The following FRRS1 variants were observed in gnomAD, a reference collection of about 807,000 sequenced individuals.
FRRS1 encodes the protein ferric chelate reductase 1.
Under a neutral mutation model 70.7 loss-of-function variants are expected in FRRS1, and 51 were observed. The ratio of observed to expected loss-of-function variants is 0.72; its 90% CI spans 0.58 to 0.91. FRRS1 has a LOEUF of 0.91. Among genes scored for constraint, FRRS1 ranks in the 40% least tolerant of loss-of-function variants. FRRS1 has a pLI of 0.00. For synonymous variants in FRRS1, 225 were observed against 238.7 expected, an observed-to-expected ratio of 0.94 and a Z score of 0.53; for missense variants, 672 against 726.0, an observed-to-expected ratio of 0.93 and a Z score of 0.86.
intron 1 of FRRS1, among the ~76,000 whole-genome samples, chr1:99,760,351 T>A (rs1657057438): frequency 6.6e-6 from 1 of 152,204 alleles, no homozygotes; most frequent in South Asian, 2.1e-4. Context: ...CTCCTTTTCT[T>A]TCTAGTAATT....
chr1:99,746,602 T>C (rs1043554940), intron 4 of FRRS1, among the ~76,000 whole-genome samples: 2 of 152,144 alleles, frequency 1.3e-5, no homozygotes, highest in African/African-American at 4.8e-5. Context: ...GACAACTTGA[T>C]GGTGAGTGTT....
intron 9 of FRRS1, among the ~76,000 whole-genome samples, chr1:99,725,486 T>G (rs1255701717): frequency 9.9e-5 from 15 of 152,198 alleles, no homozygotes; most frequent in Admixed American, 9.8e-4. Context: ...TGCCTATAAA[T>G]GCAGATTCCA....
At chr1:99,711,793 C>T (rs565614176) in intron 14 of FRRS1, among the ~76,000 whole-genome samples, 54 of 152,304 alleles carry the variant, frequency 3.5e-4, no homozygotes, top group African/African-American at 1.3e-3. Flanking sequence ...TCACAAATGA[C>T]CCTCAATTTG....
At position 99,704,858 on chromosome 1, in the gene FRRS1, G is replaced by A. The variant is rs1259590884; in HGVS notation, c.*4170C>T. Among the ~76,000 whole-genome samples the A allele has an allele frequency of 1.3e-5, 2 of 152,098 alleles. No homozygotes were observed. The highest frequency in any genetic ancestry group is 4.8e-5 in the African/African-American group (2 of 41,420). ...CAGAGGAGAGCCCAGGCAGTCTAGCGGCCCAACTCCAGGGGAAAACCATCT... is the reference window on the plus strand; with the variant it reads ...CAGAGGAGAGCCCAGGCAGTCTAGCAGCCCAACTCCAGGGGAAAACCATCT... On this transcript the variant is annotated 3_prime_UTR_variant, in exon 17 of 17. Transcript: ENST00000646001.
At chr1:99,751,739 T>C (rs1440213766) in intron 1 of FRRS1, among the ~76,000 whole-genome samples, 2 of 151,936 alleles carry the variant, frequency 1.3e-5, no homozygotes, top group African/African-American at 2.4e-5. Flanking sequence ...AAACCTATCT[T>C]GCAAGAAAAG....
Position 99,709,019 on chromosome 1 carries a change from T to C in FRRS1, c.*9A>G. 6.2e-7 allele frequency: 1 copy of C among 1,614,012 alleles called. No individual in the cohort carries two copies. Among genetic ancestry groups the C allele is most frequent in the Non-Finnish European group, 8.5e-7 (1 of 1,179,956 alleles). ...CACTTGGCCTGCAAAAGCCAAGGTC[T>C]TTGCTTGCTCATAGATGGTTGATTG... On this transcript the variant is annotated 3_prime_UTR_variant, in exon 17 of 17. Transcript: ENST00000646001.
At chr1:99,719,684 T>C in intron 9 of FRRS1, 37 bp from the exon 10 acceptor site, 1 of 1,076,092 alleles carries the variant, frequency 9.3e-7, no homozygotes, top group Non-Finnish European at 1.4e-6. Context: ...TGACAAAGAA[T>C]AATTACTTCC....
chr1:99,761,167 C>T (rs1395053374), intron 1 of FRRS1, among the ~76,000 whole-genome samples: 1 of 152,036 alleles, frequency 6.6e-6, no homozygotes, highest in Admixed American at 6.6e-5. Context: ...CACTCTGGCG[C>T]CCAGGATGGA....
intron 9 of FRRS1, among the ~76,000 whole-genome samples, chr1:99,721,504 A>G (rs750125706): frequency 2.2e-4 from 34 of 152,190 alleles, no homozygotes; most frequent in Non-Finnish European, 4.4e-4. Flanking sequence ...CTCAAAATCT[A>G]AACAAAATAG....
At chr1:99,733,577 G>A (rs551895839) in intron 7 of FRRS1, among the ~76,000 whole-genome samples, 10 of 152,274 alleles carry the variant, frequency 6.6e-5, no homozygotes, top group South Asian at 2.1e-4. Context: ...GGCCGAATTG[G>A]CGTCAGTATG....
chr1:99,712,038 C>A lies in FRRS1; in HGVS notation c.1480+67G>T. On this transcript the variant is annotated intron_variant, in intron 14 of 16. Coordinates refer to ENST00000646001, the MANE Select transcript of FRRS1 (RefSeq NM_001361041.2). ...TAATGCATCTAAAAATCATTTAAGC[C>A]AAATTACAACTTGTAATATAAGCAG... The A allele has an allele frequency of 3.6e-6, 4 of 1,119,116 alleles. No homozygotes were observed. The South Asian group carries it at 5.6e-5, about 16-fold the overall frequency. 69.3% of individuals were successfully genotyped at this position (1,119,116 alleles called of 1,614,324 possible).
intron 9 of FRRS1, among the ~76,000 whole-genome samples, chr1:99,727,414 A>C (rs1655126928): frequency 6.6e-6 from 1 of 152,236 alleles, no homozygotes; most frequent in Non-Finnish European, 1.5e-5. Context: ...CTATATCTAA[A>C]TCTAAAAATG....
Position 99,712,510 on chromosome 1 carries a change from T to G in FRRS1, c.1329A>C (p.Ala443=). Residue 443 remains alanine, a synonymous_variant, in exon 13 of 17, where the codon GCA becomes GCC. Transcript: ENST00000646001. The stretch of plus-strand genomic sequence containing the variant: ...TACAGCCGAGGTATGGGTGGTAACC[T>G]GCATGCTAAACAAAGTTACATCATT... ...FIYRGGWSRH[A]GYHPYLGCIV... is the part of the protein sequence containing the mutation. The G allele has an allele frequency of 6.3e-7, 1 of 1,591,704 alleles. No individual in the cohort carries two copies. Among genetic ancestry groups the G allele is most frequent in the Non-Finnish European group, 8.5e-7 (1 of 1,169,776 alleles).
chr1:99,729,518 T>C, intron 8 of FRRS1, 132 bp downstream of exon 8: 1 of 558,786 alleles, frequency 1.8e-6, no homozygotes, highest in Non-Finnish European at 3.3e-6. Context: ...GGAGCCCTGC[T>C]GGCAGGCCCC....
chr1:99,719,547 A>G lies in FRRS1; in HGVS notation c.1107T>C (p.Leu369=). The change falls in exon 10 of 17, where the codon CTT becomes CTC. Residue 369 remains leucine (L), a synonymous_variant. Coordinates refer to ENST00000646001, the MANE Select transcript of FRRS1 (RefSeq NM_001361041.2). ...KNIGGSHSVL[L]LKVHGALMFV... The stretch of plus-strand genomic sequence containing the variant: ...CATGTAACCTACCATGAACCTTCAG[A>G]AGGAGTACAGAATGGGATCCTCCTA... 6.4e-7 allele frequency: 1 copy of G among 1,565,048 alleles called. No homozygotes were observed. The highest frequency in any genetic ancestry group is 1.1e-5 in the South Asian group (1 of 89,926).
intron 4 of FRRS1, among the ~76,000 whole-genome samples, chr1:99,746,604 G>A (rs1420795175): frequency 6.6e-6 from 1 of 152,186 alleles, no homozygotes; most frequent in Non-Finnish European, 1.5e-5. Flanking sequence ...CAACTTGATG[G>A]TGAGTGTTTC....
At chr1:99,740,741 G>C in intron 6 of FRRS1, 52 bp downstream of exon 6, 1 of 1,296,252 alleles carries the variant, frequency 7.7e-7, no homozygotes. Flanking sequence ...AGACCGGCCT[G>C]GGCAACATGG....
At position 99,753,292 on chromosome 1, in the gene FRRS1, A is replaced by G. The variant is rs573798537; in HGVS notation, c.-105-4291T>C. Reference sequence around the variant, plus strand: ...TCCCAGCACTTTGGGAGGGAAGGGCAGGAAGATTGCTTGAGCCCAGGAGTT... The same window carrying G: ...TCCCAGCACTTTGGGAGGGAAGGGCGGGAAGATTGCTTGAGCCCAGGAGTT... On this transcript the variant is annotated intron_variant, in intron 1 of 16. Transcript: ENST00000646001. Among the ~76,000 whole-genome samples the G allele has an allele frequency of 4.4e-3, 653 of 147,950 alleles. 4 individuals carry two copies. The highest frequency in any genetic ancestry group is 5.4e-3 in the Non-Finnish European group (361 of 66,640).
In FRRS1 at chr1:99,707,267, T is replaced by C. The variant is rs981201620; in HGVS notation, c.*1761A>G. On this transcript the variant is annotated 3_prime_UTR_variant, in exon 17 of 17. Coordinates refer to ENST00000646001, the MANE Select transcript of FRRS1 (RefSeq NM_001361041.2). ...AAAAAAGAAATAATGAGAAAATTTTTGAAAAATATTAATAAAATAAAGATG... is the reference window on the plus strand; with the variant it reads ...AAAAAAGAAATAATGAGAAAATTTTCGAAAAATATTAATAAAATAAAGATG... Among the ~76,000 whole-genome samples the C allele has an allele frequency of 1.3e-5, 2 of 151,878 alleles. No homozygotes were observed. Among genetic ancestry groups the C allele is most frequent in the Non-Finnish European group, 2.9e-5 (2 of 67,968 alleles).
Sources: gnomAD v4.1 joint callset for allele counts (sites outside exome capture counted in the v4.1 genomes callset) on GRCh38, gnomAD v4.1.1 for gene constraint, MANE v1.5 for transcripts, NCBI Gene and HGNC (gene_info 2026-07-23, HGNC 2026-07-21) for gene names.